SPMIP2: variants seen among roughly 807,000 people sequenced by gnomAD.
SPMIP2 encodes the protein sperm microtubule inner protein 2.
At chr4:159,045,908 G>C in the SPMIP2 span, among the ~76,000 whole-genome samples, 11 of 152,132 alleles carry the variant, frequency 7.2e-5, no homozygotes, top group Non-Finnish European at 1.5e-4. Flanking sequence ...TGGTTCCTTG[G>C]AGGGGTATTG....
At chr4:158,932,156 A>T in the SPMIP2 span, among the ~76,000 whole-genome samples, 4 of 152,138 alleles carry the variant, frequency 2.6e-5, no homozygotes, top group African/African-American at 9.7e-5. Context: ...TAAATAATAC[A>T]TCTGTTTATG....
chr4:159,023,351 C>G, the SPMIP2 span, among the ~76,000 whole-genome samples: 533 of 152,268 alleles, frequency 3.5e-3, 2 homozygotes, highest in Admixed American at 8.6e-3. Context: ...GGTTCTCAGG[C>G]CTCAGGTTTG....
the SPMIP2 span, among the ~76,000 whole-genome samples, chr4:158,944,821 C>A: frequency 3.3e-5 from 5 of 152,190 alleles, no homozygotes; most frequent in African/African-American, 1.2e-4. Context: ...TGTTCCTCCT[C>A]TCCACTTTGA....
At chr4:158,894,381 A>G in the SPMIP2 span, among the ~76,000 whole-genome samples, 1 of 152,062 alleles carries the variant, frequency 6.6e-6, no homozygotes, top group Non-Finnish European at 1.5e-5. Flanking sequence ...TATGTTGCCT[A>G]GGTTGGTCTT....
chr4:158,895,811 A>T, the SPMIP2 span: 1 of 1,613,412 alleles, frequency 6.2e-7, no homozygotes, highest in Non-Finnish European at 8.5e-7. Flanking sequence ...ATGCTATCTG[A>T]ATATCTCCGG....
chr4:159,046,304 G>A, the SPMIP2 span, among the ~76,000 whole-genome samples: 2 of 151,660 alleles, frequency 1.3e-5, no homozygotes, highest in East Asian at 1.9e-4. Flanking sequence ...CAGAAGCCAC[G>A]GTTATTTTGT....
the SPMIP2 span, chr4:159,007,151 G>T: frequency 1.3e-6 from 1 of 793,134 alleles, no homozygotes; most frequent in Non-Finnish European, 2.1e-6. Context: ...CGCCTGAGAC[G>T]GGAGGCCTGT....
the SPMIP2 span, among the ~76,000 whole-genome samples, chr4:158,948,352 CTTTT>C: frequency 6.6e-6 from 1 of 152,102 alleles, no homozygotes; most frequent in East Asian, 1.9e-4. Flanking sequence ...CTGAAATTTT[CTTTT>C]TTTCTACCTT....
At chr4:159,040,413 C>T in the SPMIP2 span, among the ~76,000 whole-genome samples, 4 of 151,842 alleles carry the variant, frequency 2.6e-5, no homozygotes, top group African/African-American at 7.3e-5. Context: ...CCTCGTGATC[C>T]GCCCACCTCG....
At chr4:159,074,769 C>T in the SPMIP2 span, among the ~76,000 whole-genome samples, 1 of 152,272 alleles carries the variant, frequency 6.6e-6, no homozygotes, top group Admixed American at 6.5e-5. Flanking sequence ...ATTAACTATA[C>T]AGTCCATTAT....
the SPMIP2 span, among the ~76,000 whole-genome samples, chr4:159,033,262 G>A: frequency 6.6e-6 from 1 of 151,854 alleles, no homozygotes; most frequent in Admixed American, 6.6e-5. Flanking sequence ...TGTGGAGACA[G>A]TGAAAAGATC....
At chr4:158,925,599 A>G in the SPMIP2 span, among the ~76,000 whole-genome samples, 19 of 152,170 alleles carry the variant, frequency 1.2e-4, no homozygotes, top group African/African-American at 3.9e-4. Context: ...CACACAACCT[A>G]GATCCCTCAC....
At chr4:158,966,980 G>C in the SPMIP2 span, among the ~76,000 whole-genome samples, 1 of 152,156 alleles carries the variant, frequency 6.6e-6, no homozygotes, top group African/African-American at 2.4e-5. Flanking sequence ...TGGCAGCATC[G>C]CTGGCTACCA....
the SPMIP2 span, among the ~76,000 whole-genome samples, chr4:158,913,728 G>T: frequency 1.8e-4 from 28 of 151,984 alleles, no homozygotes; most frequent in Admixed American, 1.2e-3. Context: ...AGCTACTCAG[G>T]AGGCTGAGGT....
At chr4:159,063,945 A>G in the SPMIP2 span, among the ~76,000 whole-genome samples, 1,841 of 152,352 alleles carry the variant, frequency 0.012, 34 homozygotes, top group African/African-American at 0.041. Flanking sequence ...AAGATACTTC[A>G]AAGGAATTGT....
At chr4:158,934,662 C>T in the SPMIP2 span, among the ~76,000 whole-genome samples, 1 of 152,092 alleles carries the variant, frequency 6.6e-6, no homozygotes, top group Non-Finnish European at 1.5e-5. Flanking sequence ...CCTGTCACCC[C>T]TCAAAATACT....
the SPMIP2 span, among the ~76,000 whole-genome samples, chr4:159,080,925 G>A: frequency 5.9e-5 from 9 of 151,980 alleles, no homozygotes; most frequent in Admixed American, 2.0e-4. Flanking sequence ...GGTTTTCACC[G>A]TGTTAGCCAG....
At chr4:158,985,392 C>T in the SPMIP2 span, among the ~76,000 whole-genome samples, 1 of 148,922 alleles carries the variant, frequency 6.7e-6, no homozygotes, top group African/African-American at 2.5e-5. Flanking sequence ...CAATAAAATA[C>T]TGGCAAACCG....
At chr4:159,001,646 T>C in the SPMIP2 span, among the ~76,000 whole-genome samples, 1 of 152,234 alleles carries the variant, frequency 6.6e-6, no homozygotes, top group Non-Finnish European at 1.5e-5. Context: ...GGCCTCCAGT[T>C]CTATCCATGT....
Sources: gnomAD v4.1 joint callset for allele counts (sites outside exome capture counted in the v4.1 genomes callset) on GRCh38, gnomAD v4.1.1 for gene constraint, MANE v1.5 for transcripts, NCBI Gene and HGNC (gene_info 2026-07-23, HGNC 2026-07-21) for gene names.